NRG3: variants seen among roughly 807,000 people sequenced by gnomAD.
NRG3 encodes the protein pro-neuregulin-3, membrane-bound isoform.
In NRG3, 31 loss-of-function variants were observed where a neutral mutation model predicts 66.9. The observed-to-expected ratio is 0.46, with a 90% CI of 0.35 to 0.63. The LOEUF (loss-of-function observed/expected upper bound fraction) is 0.63, where lower values mean the gene tolerates loss of function less well. Ranked by LOEUF, NRG3 falls within the 20% of genes least tolerant of loss-of-function variation. The probability of loss-of-function intolerance (pLI) is 0.00; values close to 1 mark genes in which losing one functional copy is unlikely to be tolerated. For synonymous variants in NRG3, 393 were observed against 359.4 expected, an observed-to-expected ratio of 1.09 and a Z score of -1.06; for missense variants, 910 against 878.9, an observed-to-expected ratio of 1.04 and a Z score of -0.45.
chr10:82,677,558 C>T (rs1438547590), intron 2 of NRG3, among the ~76,000 whole-genome samples: 2 of 152,106 alleles, frequency 1.3e-5, no homozygotes, highest in African/African-American at 4.8e-5. Flanking sequence ...TTTTCTCCCT[C>T]TTTCTTTTTT....
At chr10:81,926,959 A>G (rs1013780610) in intron 1 of NRG3, among the ~76,000 whole-genome samples, 3 of 152,196 alleles carry the variant, frequency 2.0e-5, no homozygotes, top group South Asian at 2.1e-4. Flanking sequence ...AGGGCCGAGC[A>G]TGCTCTGGAT....
chr10:81,998,917 A>G (rs1465086753), intron 1 of NRG3, among the ~76,000 whole-genome samples: 1 of 152,096 alleles, frequency 6.6e-6, no homozygotes, highest in Admixed American at 6.6e-5. Flanking sequence ...CCCAGGTTCC[A>G]CTGATTCTCC....
At chr10:82,693,715 G>A (rs1010554454) in intron 2 of NRG3, among the ~76,000 whole-genome samples, 2 of 152,172 alleles carry the variant, frequency 1.3e-5, no homozygotes, top group African/African-American at 4.8e-5. Flanking sequence ...CTTAAAGGTG[G>A]TGCATCCGGA....
chr10:82,805,623 G>A (rs2061246460), intron 3 of NRG3, among the ~76,000 whole-genome samples: 1 of 152,122 alleles, frequency 6.6e-6, no homozygotes, highest in Non-Finnish European at 1.5e-5. Context: ...GTGGGGAGGT[G>A]TATGGAGGAT....
intron 1 of NRG3, among the ~76,000 whole-genome samples, chr10:82,176,575 T>A (rs974872678): frequency 6.6e-6 from 1 of 152,130 alleles, no homozygotes; most frequent in Non-Finnish European, 1.5e-5. Flanking sequence ...ATTGAGCTGA[T>A]TGAACTCCTT....
intron 1 of NRG3, among the ~76,000 whole-genome samples, chr10:82,075,150 G>A (rs1036030046): frequency 6.6e-6 from 1 of 152,068 alleles, no homozygotes; most frequent in Non-Finnish European, 1.5e-5. Context: ...TTAGAAACTT[G>A]TTTTTCTTCA....
chr10:81,891,557 T>C (rs1436343246), intron 1 of NRG3, among the ~76,000 whole-genome samples: 1 of 152,166 alleles, frequency 6.6e-6, no homozygotes, highest in East Asian at 1.9e-4. Context: ...ATGGAGACTG[T>C]GGAGAGGCTG....
intron 5 of NRG3, among the ~76,000 whole-genome samples, chr10:82,957,062 TG>T (rs1347596739): frequency 2.0e-5 from 3 of 152,140 alleles, no homozygotes; most frequent in African/African-American, 7.2e-5. Flanking sequence ...CTTGGGAAGA[TG>T]CAACTAGTGT....
At chr10:82,612,028 G>T (rs1366255767) in intron 2 of NRG3, among the ~76,000 whole-genome samples, 1 of 152,106 alleles carries the variant, frequency 6.6e-6, no homozygotes, top group Non-Finnish European at 1.5e-5. Flanking sequence ...GTGATGATGA[G>T]CTTTTTTTCA....
At chr10:82,617,369 C>T (rs1326601352) in intron 2 of NRG3, among the ~76,000 whole-genome samples, 1 of 151,762 alleles carries the variant, frequency 6.6e-6, no homozygotes, top group Admixed American at 6.6e-5. Context: ...ACACATGGCA[C>T]ACACAGACAC....
chr10:82,894,213 T>C lies in NRG3; in HGVS notation c.1054+28776T>C, dbSNP rs572802799. Among the ~76,000 whole-genome samples, 3 of 152,360 alleles carry C rather than the reference T, an allele frequency of 2.0e-5. No homozygotes were observed. In the South Asian group the frequency reaches 6.2e-4, roughly 32 times the overall value. The stretch of plus-strand genomic sequence containing the variant: ...AGTATAAGGAGATAATATCACTTGA[T>C]CATTATTCCTGTAATGTAATATTTC... On this transcript the variant is annotated intron_variant, in intron 4 of 8. Coordinates refer to ENST00000372141, the MANE Select transcript of NRG3 (RefSeq NM_001010848.4).
intron 2 of NRG3, among the ~76,000 whole-genome samples, chr10:82,432,085 G>T (rs1051011552): frequency 2.0e-5 from 3 of 152,078 alleles, no homozygotes; most frequent in African/African-American, 7.2e-5. Flanking sequence ...TCCTATAGAG[G>T]GAGGTCCATT....
rs554561412 is a variant in NRG3, at chr10:82,572,596, T to G, written c.954-165981T>G. On this transcript the variant is annotated intron_variant, in intron 2 of 8. Transcript: ENST00000372141. ...GAAAAATTCAATCAGGTGGTTTTTT[T>G]TGTGTGTGTGTGTGCCTACATTTGT... Among the ~76,000 whole-genome samples the G allele has an allele frequency of 3.1e-3, 471 of 151,582 alleles. 1 individual carries two copies. The highest frequency in any genetic ancestry group is 6.8e-3 in the Middle Eastern group (2 of 294).
At chr10:82,581,530 A>G (rs1299687682) in intron 2 of NRG3, among the ~76,000 whole-genome samples, 1 of 152,014 alleles carries the variant, frequency 6.6e-6, no homozygotes, top group Non-Finnish European at 1.5e-5. Context: ...AAAATTATAG[A>G]GATAGAAAGT....
intron 1 of NRG3, among the ~76,000 whole-genome samples, chr10:82,084,048 C>T (rs892851559): frequency 1.1e-4 from 16 of 151,376 alleles, no homozygotes; most frequent in Non-Finnish European, 2.1e-4. Context: ...GCCAACATGG[C>T]GAAATCCCAT....
chr10:82,150,591 G>T (rs1590312179), intron 1 of NRG3, among the ~76,000 whole-genome samples: 1 of 110,542 alleles, frequency 9.0e-6, no homozygotes, highest in South Asian at 2.8e-4. Context: ...GTCTAAAACA[G>T]ATAAACAAAC....
chr10:82,157,265 T>C (rs1264933881), intron 1 of NRG3, among the ~76,000 whole-genome samples: 1 of 151,768 alleles, frequency 6.6e-6, no homozygotes, highest in Admixed American at 6.6e-5. Flanking sequence ...AATGGCTGTC[T>C]TGTGCTTAAA....
chr10:82,293,303 G>T (rs928833524), intron 1 of NRG3, among the ~76,000 whole-genome samples: 7 of 151,242 alleles, frequency 4.6e-5, no homozygotes, highest in African/African-American at 1.5e-4. Context: ...ATATTTGTCA[G>T]AAAGCTTGCT....
chr10:82,077,947 G>A (rs12411365), intron 1 of NRG3, among the ~76,000 whole-genome samples: 68,470 of 151,700 alleles, frequency 0.45, 16,326 homozygotes, highest in Non-Finnish European at 0.54. Context: ...TTCTTTAGGC[G>A]GCTTTTCTCT....
Sources: gnomAD v4.1 joint callset for allele counts (sites outside exome capture counted in the v4.1 genomes callset) on GRCh38, gnomAD v4.1.1 for gene constraint, MANE v1.5 for transcripts, NCBI Gene and HGNC (gene_info 2026-07-23, HGNC 2026-07-21) for gene names.